Variants in FIGN observed in about 807,000 individuals in gnomAD.
FIGN encodes fidgetin, microtubule severing factor.
FIGN carries 11 observed loss-of-function variants against 51.3 expected under a neutral mutation model. The observed-to-expected ratio is 0.21, with a 90% confidence interval of 0.13 to 0.35. The LOEUF is 0.35. FIGN is among the 10% of genes least tolerant of loss of function. FIGN has a pLI of 1.00. For missense variants in FIGN, 857 were observed against 943.6 expected, an observed-to-expected ratio of 0.91 and a Z score of 1.20; for synonymous variants, 407 against 363.2, an observed-to-expected ratio of 1.12 and a Z score of -1.37.
chr2:163,640,807 C>T (rs1313900937), intron 2 of FIGN, among the ~76,000 whole-genome samples: 2 of 152,198 alleles, frequency 1.3e-5, no homozygotes, highest in Non-Finnish European at 2.9e-5. Flanking sequence ...GAAAATCCCT[C>T]AACAGGTACT....
At position 163,604,429 on chromosome 2, in the gene FIGN, T is replaced by C. The variant is rs1691039867; in HGVS notation, c.*5123A>G. The C allele has an allele frequency of 6.6e-6, 1 of 152,034 alleles. No individual in the cohort carries two copies. The highest frequency in any genetic ancestry group is 1.9e-4 in the East Asian group (1 of 5,184). 9.4% of individuals were successfully genotyped at this position (152,034 alleles called of 1,614,324 possible). On this transcript the variant is annotated 3_prime_UTR_variant, in exon 3 of 3. Transcript: ENST00000333129. ...CTTTTAAGCAGTCTTGTGTTATGAA[T>C]ACAATTAAAAGTCCATCAGTATCCC...
chr2:163,605,761 G>A lies in FIGN; in HGVS notation c.*3791C>T, dbSNP rs1422366982. 1 of 152,022 alleles carries A rather than the reference G, an allele frequency of 6.6e-6. No homozygotes were observed. 9.4% of individuals were successfully genotyped at this position (152,022 alleles called of 1,614,324 possible). A position where few individuals can be genotyped will look rare whatever the true frequency, so the allele number is the denominator to read the frequency against. ...ACCCAATTCTAAGAAACATGAGAAT[G>A]TGAGTACAGAAGTCTCTTTCTGCTT... On this transcript the variant is annotated 3_prime_UTR_variant, in exon 3 of 3. Coordinates refer to ENST00000333129, the MANE Select transcript of FIGN (RefSeq NM_018086.4).
At chr2:163,682,774 G>A (rs539422240) in intron 2 of FIGN, among the ~76,000 whole-genome samples, 2 of 152,258 alleles carry the variant, frequency 1.3e-5, no homozygotes, top group South Asian at 2.1e-4. Context: ...ACACCTGTAC[G>A]TATAGGGCCT....
chr2:163,719,834 C>T (rs993922793), intron 2 of FIGN, among the ~76,000 whole-genome samples: 5 of 152,086 alleles, frequency 3.3e-5, no homozygotes, highest in African/African-American at 1.2e-4. Flanking sequence ...CAGTCTCATC[C>T]ATAAAGCAAA....
chr2:163,643,106 A>C (rs148816610), intron 2 of FIGN, among the ~76,000 whole-genome samples: 1 of 152,194 alleles, frequency 6.6e-6, no homozygotes, highest in African/African-American at 2.4e-5. Context: ...AAGCAGGAGG[A>C]GTCACAGTTC....
At chr2:163,698,061 T>C (rs986880620) in intron 2 of FIGN, among the ~76,000 whole-genome samples, 1 of 152,076 alleles carries the variant, frequency 6.6e-6, no homozygotes, top group Admixed American at 6.6e-5. Flanking sequence ...AGCTTTGGAA[T>C]GAGAAAGATG....
chr2:163,603,108 G>A lies in FIGN; in HGVS notation c.*6444C>T, dbSNP rs1422296325. 6.6e-6 allele frequency: 1 copy of A among 152,038 alleles called. No individual in the cohort carries two copies. Among genetic ancestry groups the A allele is most frequent in the African/African-American group, 2.4e-5 (1 of 41,412 alleles). The allele number at this position is 152,038 out of a possible 1,614,324, so 9.4% of individuals were successfully genotyped here. A position where few individuals can be genotyped will look rare whatever the true frequency, so the allele number is the denominator to read the frequency against. Reference sequence around the variant, plus strand: ...CAAATTATATGAATTCATTTTGCAAGTGATGGATAATTTAAGCTTTCATCA... The same window carrying A: ...CAAATTATATGAATTCATTTTGCAAATGATGGATAATTTAAGCTTTCATCA... On this transcript the variant is annotated 3_prime_UTR_variant, in exon 3 of 3. Transcript: ENST00000333129.
intron 2 of FIGN, among the ~76,000 whole-genome samples, chr2:163,696,678 G>C (rs1046732129): frequency 4.0e-5 from 6 of 151,492 alleles, no homozygotes; most frequent in African/African-American, 1.5e-4. Flanking sequence ...GTTTTGTTTT[G>C]TTTTTTTAAG....
At chr2:163,611,882 T>G in intron 2 of FIGN, 76 bp from the exon 3 acceptor site, 3 of 1,253,326 alleles carry the variant, frequency 2.4e-6, no homozygotes, top group Non-Finnish European at 3.3e-6. Flanking sequence ...CCCCAATTTC[T>G]TTTGTTACCT....
In FIGN at chr2:163,692,400, G is replaced by A. The variant is rs553747101; in HGVS notation, c.25+42503C>T. ...CAATATATAACAATATGATATTAATGTATTTTCTTCTAAGGAGCTAGAAAC... is the reference window on the plus strand; with the variant it reads ...CAATATATAACAATATGATATTAATATATTTTCTTCTAAGGAGCTAGAAAC... On this transcript the variant is annotated intron_variant, in intron 2 of 2. Coordinates refer to ENST00000333129, the MANE Select transcript of FIGN (RefSeq NM_018086.4). Among the ~76,000 whole-genome samples the A allele has an allele frequency of 3.3e-5, 5 of 152,242 alleles. No homozygotes were observed. The South Asian group carries it at 1.0e-3, about 32-fold the overall frequency.
At chr2:163,681,440 G>A (rs1462835656) in intron 2 of FIGN, among the ~76,000 whole-genome samples, 1 of 152,102 alleles carries the variant, frequency 6.6e-6, no homozygotes, top group Non-Finnish European at 1.5e-5. Flanking sequence ...GCCATGAACA[G>A]TGGCTCATAA....
At chr2:163,718,840 T>TGA (rs781504649) in intron 2 of FIGN, among the ~76,000 whole-genome samples, 7 of 150,570 alleles carry the variant, frequency 4.6e-5, no homozygotes, top group South Asian at 4.2e-4. Flanking sequence ...ACAGAGAGAG[T>TGA]GAGAGAGAGA....
At chr2:163,627,897 C>G (rs1295145848) in intron 2 of FIGN, among the ~76,000 whole-genome samples, 1 of 152,136 alleles carries the variant, frequency 6.6e-6, no homozygotes, top group Non-Finnish European at 1.5e-5. Context: ...CCAGTGAGTT[C>G]CCTTCTTCTC....
chr2:163,697,782 T>C (rs1011691138), intron 2 of FIGN, among the ~76,000 whole-genome samples: 1 of 152,184 alleles, frequency 6.6e-6, no homozygotes, highest in Non-Finnish European at 1.5e-5. Flanking sequence ...ATAATAAGAG[T>C]TATACCTTGA....
At chr2:163,625,917 A>C (rs2105307892) in intron 2 of FIGN, among the ~76,000 whole-genome samples, 1 of 152,244 alleles carries the variant, frequency 6.6e-6, no homozygotes, top group Middle Eastern at 3.4e-3. Context: ...TCAATAAATG[A>C]AAAAGTACAA....
intron 2 of FIGN, among the ~76,000 whole-genome samples, chr2:163,720,938 T>A (rs1362604663): frequency 6.6e-6 from 1 of 152,092 alleles, no homozygotes; most frequent in Non-Finnish European, 1.5e-5. Context: ...AAAAATTCTA[T>A]TACTGACAGC....
At chr2:163,704,723 C>G (rs2105352917) in intron 2 of FIGN, among the ~76,000 whole-genome samples, 1 of 147,758 alleles carries the variant, frequency 6.8e-6, no homozygotes, top group South Asian at 2.2e-4. Context: ...ATAGCGGTTA[C>G]TATTCACCGT....
At chr2:163,621,499 C>T (rs1446467134) in intron 2 of FIGN, among the ~76,000 whole-genome samples, 5 of 152,218 alleles carry the variant, frequency 3.3e-5, no homozygotes, top group South Asian at 2.1e-4. Flanking sequence ...TGGTAGGTTA[C>T]GTGTTGTTTT....
At chr2:163,639,299 CT>C (rs1364523877) in intron 2 of FIGN, among the ~76,000 whole-genome samples, 1 of 151,952 alleles carries the variant, frequency 6.6e-6, no homozygotes, top group Non-Finnish European at 1.5e-5. Flanking sequence ...TTATTTAATC[CT>C]TTCAATGTTA....
Sources: allele counts gnomAD v4.1 joint callset (sites outside exome capture counted in the v4.1 genomes callset), GRCh38; gene constraint gnomAD v4.1.1; transcripts MANE v1.5; gene names NCBI Gene and HGNC (gene_info 2026-07-23, HGNC 2026-07-21).